AKAP14: variants seen among roughly 807,000 people sequenced by gnomAD.
AKAP14 encodes A-kinase anchor protein 14.
AKAP14 carries 4 observed loss-of-function variants against 17.0 expected under a neutral mutation model. That is an observed-to-expected ratio of 0.23 (90% CI 0.12 to 0.54). The LOEUF (loss-of-function observed/expected upper bound fraction) is 0.54, where lower values mean the gene tolerates loss of function less well. AKAP14 is among the 20% of genes least tolerant of loss of function. The pLI, the probability that AKAP14 is intolerant of heterozygous loss-of-function variation, is 0.95. For missense variants in AKAP14, 129 were observed against 150.9 expected, an observed-to-expected ratio of 0.85 and a Z score of 0.76; for synonymous variants, 42 against 51.3, an observed-to-expected ratio of 0.82 and a Z score of 0.77.
At chrX:119,913,699 C>T (rs2056640779) in intron 4 of AKAP14, among the ~76,000 whole-genome samples, 1 of 111,059 alleles carries the variant, frequency 9.0e-6, no homozygotes, top group Non-Finnish European at 1.9e-5. Flanking sequence ...TCGCTTGAAC[C>T]CAGGAGGCAG....
chrX:119,897,235 C>G (rs754136447), intron 2 of AKAP14, among the ~76,000 whole-genome samples: 17 of 109,465 alleles, frequency 1.6e-4, no homozygotes, highest in African/African-American at 5.7e-4. Flanking sequence ...TCTTGGCTCA[C>G]TGCAAACTCT....
At chrX:119,919,083 G>C (rs1469291550) in intron 5 of AKAP14, among the ~76,000 whole-genome samples, 1 of 111,773 alleles carries the variant, frequency 8.9e-6, no homozygotes, top group African/African-American at 3.2e-5. Context: ...AATGAGACTG[G>C]TGGAGGGGAA....
At chrX:119,901,865 C>T (rs903817303) in intron 2 of AKAP14, among the ~76,000 whole-genome samples, 1 of 107,715 alleles carries the variant, frequency 9.3e-6, no homozygotes, top group African/African-American at 3.4e-5. Context: ...CAAAATTAGC[C>T]GGGCGTGGTG....
At chrX:119,914,506 A>G (rs746023059) in intron 4 of AKAP14, among the ~76,000 whole-genome samples, 193 bp from the exon 5 acceptor site, 4 of 110,181 alleles carry the variant, frequency 3.6e-5, no homozygotes, top group Non-Finnish European at 7.6e-5. Flanking sequence ...TTTGTTTTGT[A>G]GAGATAGGGT....
At chrX:119,917,778 C>T (rs2056667734) in intron 5 of AKAP14, among the ~76,000 whole-genome samples, 1 of 110,467 alleles carries the variant, frequency 9.1e-6, no homozygotes, top group South Asian at 3.8e-4. Flanking sequence ...GATTCCATCT[C>T]AAAAAAGAAA....
At chrX:119,900,096 CT>C (rs760651370) in intron 2 of AKAP14, among the ~76,000 whole-genome samples, 1,249 of 101,137 alleles carry the variant, frequency 0.012, 7 homozygotes, top group African/African-American at 0.021. Flanking sequence ...GCCAGTCCAA[CT>C]TTTTTTTTTT....
intron 2 of AKAP14, among the ~76,000 whole-genome samples, chrX:119,898,110 C>A (rs2056541692): frequency 8.9e-6 from 1 of 111,860 alleles, no homozygotes; most frequent in Admixed American, 9.5e-5. Context: ...TTGCAGTGAG[C>A]CGAGATTGCG....
intron 4 of AKAP14, among the ~76,000 whole-genome samples, chrX:119,906,763 C>T (rs955225460): frequency 1.8e-5 from 2 of 111,516 alleles, no homozygotes; most frequent in African/African-American, 6.5e-5. Context: ...AGGCTGGTCT[C>T]GAACTCCTGA....
At chrX:119,918,240 GTTTTT>G (rs1477297667) in intron 5 of AKAP14, among the ~76,000 whole-genome samples, 1 of 107,468 alleles carries the variant, frequency 9.3e-6, no homozygotes, top group African/African-American at 3.3e-5. Flanking sequence ...GTTTTGTTTT[GTTTTT>G]TTTTTAGATG....
intron 4 of AKAP14, among the ~76,000 whole-genome samples, chrX:119,905,220 G>T (rs1024463623): frequency 8.9e-6 from 1 of 112,193 alleles, no homozygotes; most frequent in Non-Finnish European, 1.9e-5. Flanking sequence ...CAGGCCTTAG[G>T]AAGGCCTGGT....
intron 4 of AKAP14, among the ~76,000 whole-genome samples, chrX:119,907,802 T>C (rs184340908): frequency 1.2e-4 from 13 of 111,947 alleles, no homozygotes; most frequent in African/African-American, 3.9e-4. Flanking sequence ...CTATCTGATA[T>C]ATTCTTTCCA....
At chrX:119,909,639 G>A (rs1462409949) in intron 4 of AKAP14, among the ~76,000 whole-genome samples, 1 of 106,797 alleles carries the variant, frequency 9.4e-6, no homozygotes, top group Non-Finnish European at 1.9e-5. Context: ...GTGGTGGCTC[G>A]TGCCTATAAT....
chrX:119,900,557 G>A (rs1380154011), intron 2 of AKAP14, among the ~76,000 whole-genome samples: 1 of 111,666 alleles, frequency 9.0e-6, no homozygotes, highest in Admixed American at 9.6e-5. Context: ...CTCTGAGACA[G>A]GGTCTCGCTC....
intron 5 of AKAP14, among the ~76,000 whole-genome samples, chrX:119,917,781 A>G (rs1459342632): frequency 1.8e-5 from 2 of 111,584 alleles, no homozygotes; most frequent in Non-Finnish European, 3.8e-5. Flanking sequence ...TCCATCTCAA[A>G]AAAGAAAGAA....
At chrX:119,910,227 C>G in intron 4 of AKAP14, among the ~76,000 whole-genome samples, 1 of 111,885 alleles carries the variant, frequency 8.9e-6, no homozygotes. Flanking sequence ...ATCTCGAGTC[C>G]AGTGCTCTTC....
Position 119,897,694 on chromosome X carries a change from G to A in AKAP14, c.-11+1427G>A, listed in dbSNP as rs771732570. 1.6e-4 allele frequency among the ~76,000 whole-genome samples: 18 copies of A among 111,998 alleles called. No homozygotes were observed. In the South Asian group the frequency reaches 3.3e-3, roughly 21 times the overall value. On this transcript the variant is annotated intron_variant, in intron 2 of 6. Coordinates refer to ENST00000371431, the MANE Select transcript of AKAP14 (RefSeq NM_178813.6). Reference sequence around the variant, plus strand: ...CCCTTTAGCCTCTGGCTGCTCTGGAGTGGGCAACCTGGAAATGCTCTGTGT... The same window carrying A: ...CCCTTTAGCCTCTGGCTGCTCTGGAATGGGCAACCTGGAAATGCTCTGTGT...
rs781548825 is a variant in AKAP14, at chrX:119,915,809, C to G, written c.441+931C>G. Among the ~76,000 whole-genome samples the G allele has an allele frequency of 1.9e-3, 212 of 110,335 alleles. 1 individual carries two copies. Among genetic ancestry groups the G allele is most frequent in the Non-Finnish European group, 3.6e-3 (190 of 52,684 alleles). On this transcript the variant is annotated intron_variant, in intron 5 of 6. Coordinates refer to ENST00000371431, the MANE Select transcript of AKAP14 (RefSeq NM_178813.6). ...GCTTGAGCCACCGTGCCCGGCCCCCCCAAACAATTTCTTACTACTCCACTT... is the reference window on the plus strand; with the variant it reads ...GCTTGAGCCACCGTGCCCGGCCCCCGCAAACAATTTCTTACTACTCCACTT...
chrX:119,914,945 A>G, intron 5 of AKAP14, 67 bp downstream of exon 5: 1 of 1,049,047 alleles, frequency 9.5e-7, no homozygotes, highest in South Asian at 2.1e-5. Flanking sequence ...TGTCAAGGTC[A>G]TCAATAACCC....
chrX:119,920,320 T>C (rs2056681810), intron 6 of AKAP14, among the ~76,000 whole-genome samples, 188 bp from the exon 7 acceptor site: 1 of 111,058 alleles, frequency 9.0e-6, no homozygotes. Flanking sequence ...AATCCTTTCA[T>C]TGACTGGGCT....
Sources: allele counts gnomAD v4.1 joint callset (sites outside exome capture counted in the v4.1 genomes callset), GRCh38; gene constraint gnomAD v4.1.1; transcripts MANE v1.5; gene names NCBI Gene and HGNC (gene_info 2026-07-23, HGNC 2026-07-21).